The following UBAP1 variants were observed in gnomAD, a reference collection of about 807,000 sequenced individuals.
UBAP1 encodes ubiquitin-associated protein 1.
Under a neutral mutation model 39.0 loss-of-function variants are expected in UBAP1, and 5 were observed. The ratio of observed to expected loss-of-function variants is 0.13; its 90% CI spans 0.07 to 0.27. The LOEUF (loss-of-function observed/expected upper bound fraction) is 0.27, where lower values mean the gene tolerates loss of function less well. Ranked by LOEUF, UBAP1 falls within the 10% of genes least tolerant of loss-of-function variation. UBAP1 has a pLI of 1.00. For synonymous variants in UBAP1, 211 were observed against 225.1 expected, an observed-to-expected ratio of 0.94 and a Z score of 0.56; for missense variants, 490 against 608.1, an observed-to-expected ratio of 0.81 and a Z score of 2.04.
At chr9:34,182,635 CT>C (rs1355676549) in intron 1 of UBAP1, among the ~76,000 whole-genome samples, 1 of 57,818 alleles carries the variant, frequency 1.7e-5, no homozygotes, top group African/African-American at 4.3e-5. Context: ...TTCTTTCTTT[CT>C]TTCTTTCTTT....
chr9:34,217,873 C>G (rs1470557220), intron 1 of UBAP1, among the ~76,000 whole-genome samples: 12 of 137,620 alleles, frequency 8.7e-5, no homozygotes, highest in Non-Finnish European at 7.6e-5. Flanking sequence ...TCTCGGCTCA[C>G]TGCAACCTCC....
intron 5 of UBAP1, 70 bp from the exon 6 acceptor site, chr9:34,250,583 CTAGTT>C: frequency 8.3e-7 from 1 of 1,203,810 alleles, no homozygotes; most frequent in Non-Finnish European, 1.2e-6. Flanking sequence ...ACTTCACACA[CTAGTT>C]TGTTGAGGTC....
Position 34,195,927 on chromosome 9 carries a change from G to GTTTTT in UBAP1, c.-8+16720_-8+16724dup, listed in dbSNP as rs57040252. 2.5e-4 allele frequency among the ~76,000 whole-genome samples: 9 copies of GTTTTT among 36,156 alleles called. 2 individuals are homozygous for GTTTTT. The East Asian group carries it at 3.0e-3, about 12-fold the overall frequency. 23.7% of individuals were successfully genotyped at this position (36,156 alleles called of 152,430 possible). A position where few individuals can be genotyped will look rare whatever the true frequency, so the allele number is the denominator to read the frequency against. On this transcript the variant is annotated intron_variant, in intron 1 of 6. Coordinates refer to ENST00000297661, the MANE Select transcript of UBAP1 (RefSeq NM_016525.5). ...TTTGGATTTCTATACAAATTTTTTGGTTTTTTTTTTTTTTTTTTTTTTTTT... is the reference window on the plus strand; with the variant it reads ...TTTGGATTTCTATACAAATTTTTTGGTTTTTTTTTTTTTTTTTTTTTTTTTTTTTT...
intron 1 of UBAP1, among the ~76,000 whole-genome samples, chr9:34,191,090 A>G (rs1265354183): frequency 6.6e-6 from 1 of 152,118 alleles, no homozygotes; most frequent in Non-Finnish European, 1.5e-5. Flanking sequence ...GTCCTGTCTG[A>G]TATGTCTCCA....
intron 1 of UBAP1, among the ~76,000 whole-genome samples, chr9:34,202,061 G>A (rs772912951): frequency 1.3e-5 from 2 of 152,102 alleles, no homozygotes; most frequent in Non-Finnish European, 2.9e-5. Flanking sequence ...ACGAACCTCC[G>A]TCCAGGTGTT....
chr9:34,202,509 A>C (rs1165451526), intron 1 of UBAP1, among the ~76,000 whole-genome samples: 2 of 151,936 alleles, frequency 1.3e-5, no homozygotes, highest in African/African-American at 4.8e-5. Context: ...AGTTGAAGGG[A>C]GGGTGGGAAA....
chr9:34,182,554 G>A lies in UBAP1; in HGVS notation c.-8+3314G>A, dbSNP rs16935421. Among the ~76,000 whole-genome samples the A allele has an allele frequency of 0.014, 2,191 of 151,986 alleles. 82 individuals carry two copies. In the East Asian group the frequency reaches 0.15, roughly 10 times the overall value. On this transcript the variant is annotated intron_variant, in intron 1 of 6. Coordinates refer to ENST00000297661, the MANE Select transcript of UBAP1 (RefSeq NM_016525.5). Reference sequence around the variant, plus strand: ...CAGCATTATAGTTGAAATATCATTAGCCTTGAGTGTAAATGCCAATATTAC... The same window carrying A: ...CAGCATTATAGTTGAAATATCATTAACCTTGAGTGTAAATGCCAATATTAC...
intron 1 of UBAP1, among the ~76,000 whole-genome samples, chr9:34,197,848 C>T (rs1410914768): frequency 6.6e-6 from 1 of 152,214 alleles, no homozygotes; most frequent in East Asian, 1.9e-4. Context: ...CTACACTTGG[C>T]CTCCTTGATT....
At chr9:34,192,388 G>A (rs766012226) in intron 1 of UBAP1, among the ~76,000 whole-genome samples, 33 of 151,818 alleles carry the variant, frequency 2.2e-4, no homozygotes, top group Non-Finnish European at 3.4e-4. Flanking sequence ...GGTGGCGCAC[G>A]CCTGTGATCC....
rs188250207 is a variant in UBAP1 at position 34,221,210 on chromosome 9, T to C, written c.34+262T>C. ...ACTAGTGATAGATTAGGAGTCTGCC[T>C]GTTCTGGTTCTTCAGCAGCATTGAA... On this transcript the variant is annotated intron_variant, in intron 2 of 6. Transcript: ENST00000297661. Among the ~76,000 whole-genome samples, 36 of 152,306 alleles carry C rather than the reference T, an allele frequency of 2.4e-4. 1 individual carries two copies. The East Asian group carries it at 6.2e-3, about 26-fold the overall frequency.
chr9:34,191,858 ATGT>A (rs1428497185), intron 1 of UBAP1: 4 of 152,176 alleles, frequency 2.6e-5, no homozygotes, highest in African/African-American at 4.8e-5. Context: ...AATTCACGTG[ATGT>A]TGTACCCCTC....
rs1045976928 is a variant in UBAP1, at chr9:34,252,205, T to C, written c.*673T>C. 2.0e-5 allele frequency: 3 copies of C among 152,602 alleles called. No homozygotes were observed. The highest frequency in any genetic ancestry group is 4.4e-5 in the Non-Finnish European group (3 of 68,060). 9.5% of individuals were successfully genotyped at this position (152,602 alleles called of 1,614,324 possible). The stretch of plus-strand genomic sequence containing the variant: ...CTGCTACCCAGGGTTTTAGAGCCCC[T>C]GCTCTAGGAAACAGTTTAAGAAATC... On this transcript the variant is annotated 3_prime_UTR_variant, in exon 7 of 7. Coordinates refer to ENST00000297661, the MANE Select transcript of UBAP1 (RefSeq NM_016525.5).
chr9:34,197,742 G>C (rs947613473), intron 1 of UBAP1, among the ~76,000 whole-genome samples: 2 of 151,980 alleles, frequency 1.3e-5, no homozygotes, highest in African/African-American at 4.8e-5. Context: ...TAGAGATGGG[G>C]TTTCACCATG....
intron 2 of UBAP1, among the ~76,000 whole-genome samples, chr9:34,230,795 T>C (rs879927415): frequency 2.6e-5 from 4 of 152,226 alleles, no homozygotes; most frequent in Non-Finnish European, 4.4e-5. Flanking sequence ...CTCAGACATA[T>C]GCTTGTATCA....
chr9:34,236,080 G>C (rs534412063), intron 3 of UBAP1, among the ~76,000 whole-genome samples: 18 of 151,472 alleles, frequency 1.2e-4, no homozygotes, highest in African/African-American at 4.1e-4. Context: ...GGCTGGTCTC[G>C]AGCTCCTGAC....
At chr9:34,244,472 T>C (rs1834126699) in intron 4 of UBAP1, among the ~76,000 whole-genome samples, 1 of 65,846 alleles carries the variant, frequency 1.5e-5, no homozygotes, top group Admixed American at 1.8e-4. Context: ...CTCTTTTTTT[T>C]TTTCTTTGGA....
chr9:34,181,153 T>TC, intron 1 of UBAP1, among the ~76,000 whole-genome samples: 1 of 127,668 alleles, frequency 7.8e-6, no homozygotes, highest in Admixed American at 8.4e-5. Flanking sequence ...TTTCGCTCTG[T>TC]GCCCAGGCTG....
At chr9:34,216,942 A>C (rs1182395112) in intron 1 of UBAP1, among the ~76,000 whole-genome samples, 1 of 152,082 alleles carries the variant, frequency 6.6e-6, no homozygotes, top group East Asian at 1.9e-4. Context: ...TGTACAATAG[A>C]ATACCAGAAC....
At chr9:34,236,638 C>T (rs1833713744) in intron 3 of UBAP1, among the ~76,000 whole-genome samples, 1 of 152,080 alleles carries the variant, frequency 6.6e-6, no homozygotes, top group East Asian at 1.9e-4. Context: ...ATTCTCTTTT[C>T]AGTCACTCAA....
Sources: gnomAD v4.1 joint callset for allele counts (sites outside exome capture counted in the v4.1 genomes callset) on GRCh38, gnomAD v4.1.1 for gene constraint, MANE v1.5 for transcripts, NCBI Gene and HGNC (gene_info 2026-07-23, HGNC 2026-07-21) for gene names.